The following UGT1A7 variants were observed in gnomAD, a reference collection of about 807,000 sequenced individuals.
UGT1A7 encodes UDP glucuronosyltransferase family 1 member A7, also known as UDP-glucuronosyltransferase 1A7.
A neutral mutation model predicts 45.6 loss-of-function variants in UGT1A7; 33 were observed. The ratio of observed to expected loss-of-function variants is 0.72; its 90% CI spans 0.55 to 0.97. The LOEUF (loss-of-function observed/expected upper bound fraction) is 0.97. UGT1A7 is among the 50% of genes least tolerant of loss of function. The probability of loss-of-function intolerance (pLI) is 0.00; values close to 1 mark genes in which losing one functional copy is unlikely to be tolerated. For synonymous variants in UGT1A7, 274 were observed against 250.6 expected, an observed-to-expected ratio of 1.09 and a Z score of -0.88; for missense variants, 684 against 666.2, an observed-to-expected ratio of 1.03 and a Z score of -0.29.
intron 1 of UGT1A7, among the ~76,000 whole-genome samples, chr2:233,699,850 C>G (rs1217397789): frequency 6.6e-6 from 1 of 152,144 alleles, no homozygotes; most frequent in Non-Finnish European, 1.5e-5. Context: ...TCCCCTAGGA[C>G]AGATATGTCT....
At chr2:233,735,509 C>T (rs185084136) in intron 1 of UGT1A7, among the ~76,000 whole-genome samples, 17 of 152,270 alleles carry the variant, frequency 1.1e-4, no homozygotes, top group Middle Eastern at 3.4e-3. Flanking sequence ...AGCCCATTTA[C>T]ATTTAAGGTA....
chr2:233,731,547 T>C (rs548605747), intron 1 of UGT1A7, among the ~76,000 whole-genome samples: 5 of 152,336 alleles, frequency 3.3e-5, no homozygotes, highest in African/African-American at 1.2e-4. Flanking sequence ...TGGTTTTCTG[T>C]CCATGTGATA....
Position 233,740,185 on chromosome 2 carries a change from CCT to C in UGT1A7, c.856-26846_856-26845del, listed in dbSNP as rs573081380. On this transcript the variant is annotated intron_variant, in intron 1 of 4. Transcript: ENST00000373426. ...CATGTGGAACTGTGAGTCAATTAAA[CCT>C]CTTTCTTTTATAAATTACCCAGTCT... Among the ~76,000 whole-genome samples, 45 of 151,974 alleles carry C rather than the reference CCT, an allele frequency of 3.0e-4. 2 individuals are homozygous for C. Among genetic ancestry groups the C allele is most frequent in the African/African-American group, 9.9e-4 (41 of 41,240 alleles).
chr2:233,692,939 C>T, intron 1 of UGT1A7: 2 of 1,593,498 alleles, frequency 1.3e-6, no homozygotes, highest in Non-Finnish European at 1.7e-6. Context: ...GGGAAAATAC[C>T]TAGGAGCCCT....
chr2:233,727,966 G>A (rs1025938754), intron 1 of UGT1A7, among the ~76,000 whole-genome samples: 37 of 152,228 alleles, frequency 2.4e-4, no homozygotes, highest in African/African-American at 8.2e-4. Context: ...TCATCCTGAG[G>A]TGACCAGGAC....
intron 1 of UGT1A7, chr2:233,713,844 A>G: frequency 1.2e-6 from 2 of 1,614,060 alleles, no homozygotes; most frequent in Non-Finnish European, 1.7e-6. Context: ...TGCCAACGGG[A>G]AGCCACTATC....
At chr2:233,759,652 C>G (rs35665780) in intron 1 of UGT1A7, among the ~76,000 whole-genome samples, 1 of 121,978 alleles carries the variant, frequency 8.2e-6, no homozygotes, top group East Asian at 2.9e-4. Context: ...TTCACGATTT[C>G]TAAGTTCCTG....
At chr2:233,725,719 T>C (rs1457326053) in intron 1 of UGT1A7, among the ~76,000 whole-genome samples, 1 of 152,208 alleles carries the variant, frequency 6.6e-6, no homozygotes, top group Non-Finnish European at 1.5e-5. Context: ...TACCATATGG[T>C]CAATGTTTAC....
intron 1 of UGT1A7, chr2:233,756,091 C>T (rs1221587010): frequency 6.6e-6 from 1 of 152,178 alleles, no homozygotes; most frequent in Non-Finnish European, 1.5e-5. Flanking sequence ...AATCAAGTAA[C>T]ATTATTACGG....
rs547148364 is a variant in UGT1A7 at position 233,757,849 on chromosome 2, T to G, written c.856-9185T>G. 5.3e-5 allele frequency among the ~76,000 whole-genome samples: 8 copies of G among 152,118 alleles called. No individual in the cohort carries two copies. The East Asian group carries it at 1.5e-3, about 29-fold the overall frequency. On this transcript the variant is annotated intron_variant, in intron 1 of 4. Coordinates refer to ENST00000373426, the MANE Select transcript of UGT1A7 (RefSeq NM_019077.3). The stretch of plus-strand genomic sequence containing the variant: ...TGATGGTGGCCTACTAACTTATGTC[T>G]TCAGCTTAAAAAGAAAGTAGCTTCA...
rs1694565729 is a variant in UGT1A7, at chr2:233,750,814, C to T, written c.856-16220C>T. 2.0e-5 allele frequency: 3 copies of T among 151,858 alleles called. No individual in the cohort carries two copies. In the South Asian group the frequency reaches 6.2e-4, roughly 31 times the overall value. The allele number at this position is 151,858 out of a possible 1,614,324, so 9.4% of individuals were successfully genotyped here. A position where few individuals can be genotyped will look rare whatever the true frequency, so the allele number is the denominator to read the frequency against. On this transcript the variant is annotated intron_variant, in intron 1 of 4. Coordinates refer to ENST00000373426, the MANE Select transcript of UGT1A7 (RefSeq NM_019077.3). ...ATAAGAATTTAGGTTTGGGAACCTCCACATAAATTTGAGAGGATGTAAGGA... is the reference window on the plus strand; with the variant it reads ...ATAAGAATTTAGGTTTGGGAACCTCTACATAAATTTGAGAGGATGTAAGGA...
In UGT1A7 at chr2:233,766,945, A is replaced by G. The variant is rs1284295869; in HGVS notation, c.856-89A>G. 3.1e-6 allele frequency: 5 copies of G among 1,597,954 alleles called. No homozygotes were observed. In the East Asian group the frequency reaches 1.1e-4, roughly 36 times the overall value. ...ACGCATGCCTTTAATCATAGTCTTA[A>G]GAGGAAGATATCTAATTCATAACTT... On this transcript the variant is annotated intron_variant, in intron 1 of 4. Coordinates refer to ENST00000373426, the MANE Select transcript of UGT1A7 (RefSeq NM_019077.3).
intron 1 of UGT1A7, chr2:233,713,240 A>C: frequency 6.2e-7 from 1 of 1,614,264 alleles, no homozygotes; most frequent in Non-Finnish European, 8.5e-7. Flanking sequence ...ATGCCATTTC[A>C]TGGACCCAGG....
At chr2:233,693,927 A>T in intron 1 of UGT1A7, 1 of 1,608,872 alleles carries the variant, frequency 6.2e-7, no homozygotes, top group East Asian at 2.2e-5. Flanking sequence ...TCCCTCACTC[A>T]TTTGGCTCCT....
chr2:233,768,250 A>G lies in UGT1A7; in HGVS notation c.1106A>G (p.His369Arg). 1 of 1,614,148 alleles carries G rather than the reference A, an allele frequency of 6.2e-7. No individual in the cohort carries two copies. Among genetic ancestry groups the G allele is most frequent in the South Asian group, 1.1e-5 (1 of 91,078 alleles). ...GHPMTRAFITHAGSHGVYESI... is the reference protein window; with the variant it reads ...GHPMTRAFITRAGSHGVYESI... ...CCGATGACCCGTGCCTTTATCACCC[A>G]TGCTGGTTCCCATGGTGTTTATGAA... The change falls in exon 4 of 5, where the codon CAT becomes CGT. Residue 369 changes from histidine to arginine, a missense_variant. Transcript: ENST00000373426.
intron 1 of UGT1A7, among the ~76,000 whole-genome samples, chr2:233,704,504 T>C (rs1158641825): frequency 1.3e-5 from 2 of 152,204 alleles, no homozygotes; most frequent in African/African-American, 2.4e-5. Context: ...TTATACGTGG[T>C]ACATCTATAT....
At chr2:233,729,262 G>A in intron 1 of UGT1A7, 1 of 1,614,138 alleles carries the variant, frequency 6.2e-7, no homozygotes, top group Non-Finnish European at 8.5e-7. Flanking sequence ...CAGCATGCGG[G>A]AGGTCTTGCG....
intron 1 of UGT1A7, chr2:233,741,799 G>A (rs1253457401): frequency 3.3e-5 from 5 of 151,906 alleles, no homozygotes; most frequent in African/African-American, 1.2e-4. Flanking sequence ...TTACCAGCAT[G>A]CTGCTCTTAA....
chr2:233,729,337 G>C (rs775234844), intron 1 of UGT1A7: 11 of 1,614,232 alleles, frequency 6.8e-6, no homozygotes, highest in African/African-American at 5.3e-5. Context: ...GCACATCAAA[G>C]AAGAGAACTT....
Sources: gnomAD v4.1 joint callset for allele counts (sites outside exome capture counted in the v4.1 genomes callset) on GRCh38, gnomAD v4.1.1 for gene constraint, MANE v1.5 for transcripts, NCBI Gene and HGNC (gene_info 2026-07-23, HGNC 2026-07-21) for gene names.